AGO2: variants seen among roughly 807,000 people sequenced by gnomAD.
AGO2 encodes the protein argonaute RISC catalytic component 2, also known as protein argonaute-2.
AGO2 carries 5 observed loss-of-function variants against 102.3 expected under a neutral mutation model. That is an observed-to-expected ratio of 0.05 (90% CI 0.03 to 0.10). AGO2 has a LOEUF of 0.10. Among genes scored for constraint, AGO2 ranks in the 10% least tolerant of loss-of-function variants. The pLI is 1.00. For missense variants in AGO2, 541 were observed against 1,183.7 expected (o/e 0.46, Z 7.97); for synonymous variants, 449 against 473.1 (o/e 0.95, Z 0.66).
In AGO2 at chr8:140,558,477, C is replaced by A; in HGVS notation, c.878+8G>T. The A allele has an allele frequency of 6.2e-7, 1 of 1,614,112 alleles. No homozygotes were observed. Among genetic ancestry groups the A allele is most frequent in the Non-Finnish European group, 8.5e-7 (1 of 1,179,962 alleles). ...AGCCAAGAGAGTCTGAAAGGAAGGGCGTGTTACGTTTGGTGACTGGCGGGC... is the reference window on the plus strand; with the variant it reads ...AGCCAAGAGAGTCTGAAAGGAAGGGAGTGTTACGTTTGGTGACTGGCGGGC... On this transcript the variant is annotated splice_region_variant and intron_variant, in intron 7 of 18. Coordinates refer to ENST00000220592, the MANE Select transcript of AGO2 (RefSeq NM_012154.5).
At position 140,535,451 on chromosome 8, in the gene AGO2, G is replaced by A. The variant is rs773624893; in HGVS notation, c.2271+17C>T. On this transcript the variant is annotated intron_variant, in intron 17 of 18. Coordinates refer to ENST00000220592, the MANE Select transcript of AGO2 (RefSeq NM_012154.5). ...CAGACGGCCAAGACTCTGTCCGAAG[G>A]GGACTCCCGGCCTTACCTGGATGCC... The A allele has an allele frequency of 1.2e-6, 2 of 1,612,616 alleles. No homozygotes were observed. Among genetic ancestry groups the A allele is most frequent in the Admixed American group, 1.7e-5 (1 of 60,028 alleles).
intron 1 of AGO2, among the ~76,000 whole-genome samples, chr8:140,613,496 C>T (rs1161075954): frequency 6.6e-6 from 1 of 152,124 alleles, no homozygotes; most frequent in African/African-American, 2.4e-5. Context: ...TCGGGGTTCT[C>T]AATAACTTAA....
At chr8:140,562,756 C>T (rs2073224022) in intron 3 of AGO2, 122 bp from the exon 4 acceptor site, 1 of 1,094,122 alleles carries the variant, frequency 9.1e-7, no homozygotes, top group Non-Finnish European at 1.3e-6. Flanking sequence ...GGCCTCTAGC[C>T]AACCACTAGC....
intron 1 of AGO2, among the ~76,000 whole-genome samples, chr8:140,633,015 C>T (rs1239878429): frequency 6.6e-6 from 1 of 151,686 alleles, no homozygotes; most frequent in Non-Finnish European, 1.5e-5. Flanking sequence ...AGGGTTCAAG[C>T]GATTCTCCTG....
chr8:140,625,699 G>A (rs900990221), intron 1 of AGO2, among the ~76,000 whole-genome samples: 3 of 152,176 alleles, frequency 2.0e-5, no homozygotes, highest in East Asian at 1.9e-4. Flanking sequence ...GCGCATCCCC[G>A]ACCAGATCCT....
chr8:140,554,555 G>T (rs139224595), intron 10 of AGO2, among the ~76,000 whole-genome samples: 1,877 of 152,286 alleles, frequency 0.012, 25 homozygotes, highest in Middle Eastern at 0.024. Flanking sequence ...ATCATCCCTG[G>T]GTGATTTTAC....
At chr8:140,609,651 A>G (rs1279964534) in intron 1 of AGO2, among the ~76,000 whole-genome samples, 1 of 152,150 alleles carries the variant, frequency 6.6e-6, no homozygotes, top group Non-Finnish European at 1.5e-5. Flanking sequence ...CCCCCCAGTC[A>G]TAAGCTCCCT....
chr8:140,523,480 A>G lies in AGO2; in HGVS notation c.*8564T>C, dbSNP rs1377081585. ...GTATTAGGTAAGTAATCTGAAGTGT[A>G]CCAGAGGTAAGAAAAAGCTGGATTT... On this transcript the variant is annotated 3_prime_UTR_variant, in exon 19 of 19. Coordinates refer to ENST00000220592, the MANE Select transcript of AGO2 (RefSeq NM_012154.5). 1 of 152,236 alleles carries G rather than the reference A, an allele frequency of 6.6e-6. No homozygotes were observed. The highest frequency in any genetic ancestry group is 1.5e-5 in the Non-Finnish European group (1 of 68,046). The allele number at this position is 152,236 out of a possible 1,614,324, so 9.4% of individuals were successfully genotyped here.
rs1226746916 is a variant in AGO2, at chr8:140,524,852, T to G, written c.*7192A>C. 6.6e-6 allele frequency: 1 copy of G among 152,264 alleles called. No individual in the cohort carries two copies. The highest frequency in any genetic ancestry group is 1.5e-5 in the Non-Finnish European group (1 of 68,106). 9.4% of individuals were successfully genotyped at this position (152,264 alleles called of 1,614,324 possible). A position where few individuals can be genotyped will look rare whatever the true frequency, so the allele number is the denominator to read the frequency against. On this transcript the variant is annotated 3_prime_UTR_variant, in exon 19 of 19. Transcript: ENST00000220592. Reference sequence around the variant, plus strand: ...CCTGCTGGTTGGTGCTGTGGGGTGTTCTTGGGATCAACTCACTCATTTTAA... The same window carrying G: ...CCTGCTGGTTGGTGCTGTGGGGTGTGCTTGGGATCAACTCACTCATTTTAA...
chr8:140,605,242 GCACCAC>G (rs1223850090), intron 1 of AGO2, among the ~76,000 whole-genome samples: 1 of 152,032 alleles, frequency 6.6e-6, no homozygotes, highest in Non-Finnish European at 1.5e-5. Context: ...GCACAGGTGT[GCACCAC>G]CATGCCCGGC....
intron 1 of AGO2, among the ~76,000 whole-genome samples, chr8:140,590,733 C>T (rs993119971): frequency 1.3e-5 from 2 of 152,306 alleles, no homozygotes; most frequent in Non-Finnish European, 1.5e-5. Context: ...CCAGGGGCAT[C>T]GTCTCAGGAG....
In AGO2 at chr8:140,539,350, G is replaced by A. The variant is rs375311041; in HGVS notation, c.2139C>T (p.Thr713=). The change falls in exon 16 of 19, where the codon ACC becomes ACT. Residue 713 remains threonine (T), a synonymous_variant. Coordinates refer to ENST00000220592, the MANE Select transcript of AGO2 (RefSeq NM_012154.5). This position sits in a 1 kb window ranked among gnomAD's most constrained non-coding sequence, Gnocchi z 4.7. The part of the protein sequence containing the change: ...TFIVVQKRHH[T]RLFCTDKNER... ...CGTTCTTGTCAGTGCAGAAGAGCCG[G>A]GTGTGGTGCCTCTTCTGCACCACGA... 1 of 1,613,596 alleles carries A rather than the reference G, an allele frequency of 6.2e-7. No individual in the cohort carries two copies. Among genetic ancestry groups the A allele is most frequent in the Non-Finnish European group, 8.5e-7 (1 of 1,179,712 alleles).
intron 2 of AGO2, among the ~76,000 whole-genome samples, chr8:140,577,280 GA>G (rs2073481937): frequency 6.7e-6 from 1 of 149,702 alleles, no homozygotes; most frequent in Admixed American, 6.6e-5. Flanking sequence ...GGTATACAAT[GA>G]TAATGATTCC....
At chr8:140,552,740 GCACACACACACACACA>G (rs58668484) in intron 10 of AGO2, among the ~76,000 whole-genome samples, 68 of 130,944 alleles carry the variant, frequency 5.2e-4, no homozygotes, top group East Asian at 2.7e-3. Flanking sequence ...GCGCGCGCGC[GCACACACACACACACA>G]CACACACACA....
Position 140,585,188 on chromosome 8 carries a change from A to T in AGO2, c.146T>A (p.Ile49Asn). Residue 49 changes from isoleucine to asparagine, a missense_variant, in exon 2 of 19, where the codon ATC becomes AAC. By Grantham distance (149) the Ile-to-Asn change is moderately radical (BLOSUM62 -3). This residue lies in a region of AGO2 where 147 missense variants were observed against 204.1 expected (regional missense o/e 0.72). Coordinates refer to ENST00000220592, the MANE Select transcript of AGO2 (RefSeq NM_012154.5). ...ATAATGATAGATGTCAATTTTGGGG[A>T]TGTCCATTTCGAAGAAATTGGCCTG... ...KLQANFFEMD[I>N]PKIDIYHYEL... The T allele has an allele frequency of 2.5e-6, 4 of 1,614,118 alleles. No homozygotes were observed. The highest frequency in any genetic ancestry group is 3.4e-6 in the Non-Finnish European group (4 of 1,180,018).
At chr8:140,632,170 T>C (rs551083417) in intron 1 of AGO2, among the ~76,000 whole-genome samples, 3 of 152,376 alleles carry the variant, frequency 2.0e-5, no homozygotes, top group Admixed American at 2.0e-4. Flanking sequence ...CTTCTTCAAA[T>C]TGCACAGGGT....
chr8:140,586,712 A>C (rs909021877), intron 1 of AGO2, among the ~76,000 whole-genome samples: 4 of 152,178 alleles, frequency 2.6e-5, no homozygotes, highest in African/African-American at 9.7e-5. Flanking sequence ...CTGAGGACCG[A>C]CTGAGCTTCT....
intron 1 of AGO2, among the ~76,000 whole-genome samples, chr8:140,624,190 G>T (rs2074248104): frequency 6.6e-6 from 1 of 152,130 alleles, no homozygotes; most frequent in Non-Finnish European, 1.5e-5. Flanking sequence ...CACCCAGCAG[G>T]TCTCGACTGG....
At chr8:140,549,929 C>T (rs1008648962) in intron 11 of AGO2, among the ~76,000 whole-genome samples, 4 of 152,180 alleles carry the variant, frequency 2.6e-5, no homozygotes, top group African/African-American at 9.7e-5. Flanking sequence ...ATCATGTCAC[C>T]TTCTACAATA....
Sources: allele counts gnomAD v4.1 joint callset (sites outside exome capture counted in the v4.1 genomes callset), GRCh38; gene constraint gnomAD v4.1.1; regional missense constraint gnomAD v4.1.1; non-coding constraint Gnocchi (gnomAD v3.1); transcripts MANE v1.5; gene names NCBI Gene and HGNC (gene_info 2026-07-23, HGNC 2026-07-21).